The following PHACTR4 variants were observed in gnomAD, a reference collection of about 807,000 sequenced individuals.
PHACTR4 encodes the protein phosphatase and actin regulator 4, also known as protein phosphatase 1, regulatory subunit 124.
PHACTR4 carries 51 observed loss-of-function variants against 72.7 expected under a neutral mutation model. The observed-to-expected ratio is 0.70, with a 90% CI of 0.56 to 0.89. The LOEUF (loss-of-function observed/expected upper bound fraction) is 0.89. Ranked by LOEUF, PHACTR4 falls within the 40% of genes least tolerant of loss-of-function variation. The pLI, the probability that PHACTR4 is intolerant of heterozygous loss-of-function variation, is 0.00. For synonymous variants in PHACTR4, 255 were observed against 302.5 expected (o/e 0.84, Z 1.63); for missense variants, 731 against 861.8 (o/e 0.85, Z 1.90).
chr1:28,412,688 G>T (rs956696348), intron 2 of PHACTR4, among the ~76,000 whole-genome samples: 2 of 152,116 alleles, frequency 1.3e-5, no homozygotes, highest in African/African-American at 4.8e-5. Flanking sequence ...TAATTTTTTT[G>T]TATTCTTATG....
At chr1:28,485,298 A>G (rs376493411) in intron 9 of PHACTR4, among the ~76,000 whole-genome samples, 19 of 152,182 alleles carry the variant, frequency 1.2e-4, no homozygotes, top group African/African-American at 4.6e-4. Flanking sequence ...GTTTATAGTT[A>G]ATACTGTAGA....
chr1:28,429,459 G>A (rs1367915099), intron 2 of PHACTR4, among the ~76,000 whole-genome samples: 4 of 152,122 alleles, frequency 2.6e-5, no homozygotes, highest in Admixed American at 1.3e-4. Context: ...TCTGGCCTCC[G>A]TGAGAAAAGT....
chr1:28,416,191 G>T (rs1655094666), intron 2 of PHACTR4, among the ~76,000 whole-genome samples: 1 of 152,074 alleles, frequency 6.6e-6, no homozygotes, highest in South Asian at 2.1e-4. Flanking sequence ...AGTATTACAT[G>T]ATGCCAAAAT....
intron 1 of PHACTR4, among the ~76,000 whole-genome samples, chr1:28,393,499 G>A (rs1404249731): frequency 6.6e-6 from 1 of 152,148 alleles, no homozygotes; most frequent in Non-Finnish European, 1.5e-5. Context: ...CCATCATGAT[G>A]TTATAGCACA....
At chr1:28,402,275 A>C (rs1244856231) in intron 1 of PHACTR4, among the ~76,000 whole-genome samples, 1 of 152,096 alleles carries the variant, frequency 6.6e-6, no homozygotes, top group African/African-American at 2.4e-5. Flanking sequence ...GGGGGGAAAA[A>C]ATTGGGAGTG....
intron 2 of PHACTR4, among the ~76,000 whole-genome samples, chr1:28,425,085 G>A (rs1440950713): frequency 6.6e-5 from 10 of 151,834 alleles, no homozygotes; most frequent in Non-Finnish European, 1.0e-4. Context: ...GAGCTACCAC[G>A]CCCAGCCTTA....
At chr1:28,401,096 T>C (rs187296574) in intron 1 of PHACTR4, among the ~76,000 whole-genome samples, 33 of 152,262 alleles carry the variant, frequency 2.2e-4, no homozygotes, top group African/African-American at 7.2e-4. Flanking sequence ...TCTGCCTGAT[T>C]TGTTTCAAAA....
At chr1:28,428,586 A>T (rs578048440) in intron 2 of PHACTR4, among the ~76,000 whole-genome samples, 1 of 152,360 alleles carries the variant, frequency 6.6e-6, no homozygotes, top group South Asian at 2.1e-4. Flanking sequence ...AAAGTCCAAC[A>T]TATTGTAGGT....
intron 8 of PHACTR4, among the ~76,000 whole-genome samples, chr1:28,479,118 T>A (rs912052602): frequency 4.0e-5 from 6 of 151,736 alleles, no homozygotes; most frequent in Non-Finnish European, 2.9e-5. Context: ...CTTCTAAAGA[T>A]AGAAAAAATT....
chr1:28,429,874 C>T (rs1656125679), intron 2 of PHACTR4, among the ~76,000 whole-genome samples: 1 of 152,154 alleles, frequency 6.6e-6, no homozygotes, highest in Non-Finnish European at 1.5e-5. Context: ...GTGTGTCTAG[C>T]TTTGTCCTGA....
At chr1:28,484,612 A>C (rs1455808826) in intron 9 of PHACTR4, among the ~76,000 whole-genome samples, 2 of 151,286 alleles carry the variant, frequency 1.3e-5, no homozygotes, top group Non-Finnish European at 2.9e-5. Context: ...ATATGTCCAT[A>C]TATATATATG....
chr1:28,433,152 G>A, intron 2 of PHACTR4: 1 of 908,694 alleles, frequency 1.1e-6, no homozygotes, highest in Non-Finnish European at 1.3e-6. Flanking sequence ...TCTAAAAAGG[G>A]AGTATCTTAT....
chr1:28,473,734 T>C lies in PHACTR4; in HGVS notation c.1004T>C (p.Leu335Pro), dbSNP rs1431925716. 2 of 1,614,076 alleles carry C rather than the reference T, an allele frequency of 1.2e-6. No individual in the cohort carries two copies. Among genetic ancestry groups the C allele is most frequent in the Non-Finnish European group, 1.7e-6 (2 of 1,180,020 alleles). ...KSTCSMGSEL[L>P]PMISPRSPSP... ...ACGTGTTCTATGGGCTCGGAACTAC[T>C]ACCAATGATCTCACCTCGCTCTCCG... Residue 335 changes from leucine (L) to proline (P), a missense_variant, in exon 7 of 14, where the codon CTA becomes CCA. Transcript: ENST00000373839.
At position 28,447,002 on chromosome 1, in the gene PHACTR4, T is replaced by TTTTATTTATTTATTTATTTA. The variant is rs760091619; in HGVS notation, c.17-12074_17-12055dup. 4.3e-3 allele frequency among the ~76,000 whole-genome samples: 650 copies of TTTTATTTATTTATTTATTTA among 150,710 alleles called. 6 individuals are homozygous for TTTTATTTATTTATTTATTTA. The highest frequency in any genetic ancestry group is 0.015 in the African/African-American group (628 of 40,520). On this transcript the variant is annotated intron_variant, in intron 2 of 13. Coordinates refer to ENST00000373839, the MANE Select transcript of PHACTR4 (RefSeq NM_001048183.3). ...AAATTACCCAGTCTCAGGTATTTCT[T>TTTTATTTATTTATTTATTTA]TTTATTTATTTATTTATTTATTTAT...
At chr1:28,393,886 T>A (rs1653260156) in intron 1 of PHACTR4, among the ~76,000 whole-genome samples, 1 of 151,898 alleles carries the variant, frequency 6.6e-6, no homozygotes, top group South Asian at 2.1e-4. Flanking sequence ...TTTTTTTTCT[T>A]CTTCCCTGTA....
At chr1:28,391,357 C>T (rs1653013786) in intron 1 of PHACTR4, among the ~76,000 whole-genome samples, 1 of 150,496 alleles carries the variant, frequency 6.6e-6, no homozygotes, top group Non-Finnish European at 1.5e-5. Flanking sequence ...TGAGATCAAG[C>T]CATTGCACTC....
At chr1:28,397,257 C>T (rs755552937) in intron 1 of PHACTR4, among the ~76,000 whole-genome samples, 1 of 152,110 alleles carries the variant, frequency 6.6e-6, no homozygotes, top group African/African-American at 2.4e-5. Flanking sequence ...AATGCTATTT[C>T]ATGAGATTCT....
chr1:28,370,379 C>A (rs6657880), intron 1 of PHACTR4, among the ~76,000 whole-genome samples: 57,608 of 151,876 alleles, frequency 0.38, 12,501 homozygotes, highest in African/African-American at 0.59. Context: ...ACGAAACTCC[C>A]GACGTTTTTC....
chr1:28,453,469 T>A (rs1261945115), intron 2 of PHACTR4: 1 of 366,186 alleles, frequency 2.7e-6, no homozygotes, highest in African/African-American at 2.1e-5. Flanking sequence ...TACCATAGAT[T>A]GAGGTCTGTA....
Sources: gnomAD v4.1 joint callset for allele counts (sites outside exome capture counted in the v4.1 genomes callset) on GRCh38, gnomAD v4.1.1 for gene constraint, MANE v1.5 for transcripts, NCBI Gene and HGNC (gene_info 2026-07-23, HGNC 2026-07-21) for gene names.